Variants in ABLIM1 observed in about 807,000 individuals in gnomAD.
ABLIM1 encodes the protein actin-binding LIM protein 1.
In ABLIM1, 40 loss-of-function variants were observed where a neutral mutation model predicts 107.0. The ratio of observed to expected loss-of-function variants is 0.37; its 90% confidence interval spans 0.29 to 0.49. ABLIM1 has a LOEUF of 0.49. Among genes scored for constraint, ABLIM1 ranks in the 20% least tolerant of loss-of-function variants. The probability of loss-of-function intolerance (pLI) is 0.97; values close to 1 mark genes in which losing one functional copy is unlikely to be tolerated. For synonymous variants in ABLIM1, 357 were observed against 357.3 expected (o/e 1.00, Z 0.01); for missense variants, 857 against 1,008.5 (o/e 0.85, Z 2.04).
chr10:114,749,850 C>T (rs762760741), intron 1 of ABLIM1, among the ~76,000 whole-genome samples: 6 of 152,124 alleles, frequency 3.9e-5, no homozygotes, highest in African/African-American at 7.2e-5. Flanking sequence ...GCTTTCTCCG[C>T]TCCTTCTCTT....
At chr10:114,575,884 C>T (rs113900198) in intron 2 of ABLIM1, among the ~76,000 whole-genome samples, 2,474 of 152,288 alleles carry the variant, frequency 0.016, 59 homozygotes, top group African/African-American at 0.057. Context: ...ACCCTTCATT[C>T]AGGCTGTCTC....
the ABLIM1 span, among the ~76,000 whole-genome samples, chr10:114,773,590 T>A: frequency 6.6e-6 from 1 of 152,064 alleles, no homozygotes; most frequent in African/African-American, 2.4e-5. Flanking sequence ...GACATGGTGG[T>A]GCATGCCTGT....
chr10:114,747,409 G>T (rs808317), intron 1 of ABLIM1, among the ~76,000 whole-genome samples: 8,650 of 152,198 alleles, frequency 0.057, 320 homozygotes, highest in Middle Eastern at 0.095. Flanking sequence ...CTGTCTCTCC[G>T]CTCTGCTCTA....
chr10:114,606,888 T>C (rs1278375503), intron 1 of ABLIM1, among the ~76,000 whole-genome samples: 2 of 152,200 alleles, frequency 1.3e-5, no homozygotes, highest in Admixed American at 1.3e-4. Flanking sequence ...CAGACCTCTT[T>C]ATACCAGAAT....
intron 6 of ABLIM1, among the ~76,000 whole-genome samples, chr10:114,539,160 C>T (rs1386845062): frequency 1.3e-5 from 2 of 152,182 alleles, no homozygotes; most frequent in Non-Finnish European, 2.9e-5. Context: ...GAGTTCAGGA[C>T]CAGCCTGGCC....
chr10:114,606,756 G>A (rs57861912), intron 1 of ABLIM1, among the ~76,000 whole-genome samples: 3,949 of 152,222 alleles, frequency 0.026, 192 homozygotes, highest in African/African-American at 0.09. Flanking sequence ...GGAAGAGCAG[G>A]TACTGTCAAC....
chr10:114,747,610 T>A (rs527799589), intron 1 of ABLIM1, among the ~76,000 whole-genome samples: 2 of 152,304 alleles, frequency 1.3e-5, no homozygotes, highest in Non-Finnish European at 2.9e-5. Flanking sequence ...ATACACAGAA[T>A]AGACTAGAAA....
chr10:114,582,197 C>T (rs2073469106), intron 2 of ABLIM1, among the ~76,000 whole-genome samples: 1 of 151,904 alleles, frequency 6.6e-6, no homozygotes, highest in Admixed American at 6.6e-5. Flanking sequence ...ATACAAAAAC[C>T]AGTATAATTT....
intron 6 of ABLIM1, among the ~76,000 whole-genome samples, chr10:114,493,867 C>T (rs1238994468): frequency 6.6e-6 from 1 of 152,116 alleles, no homozygotes; most frequent in Admixed American, 6.5e-5. Context: ...GTCTAAATAC[C>T]CACAGGAATT....
chr10:114,522,883 G>T (rs945884330), intron 6 of ABLIM1, among the ~76,000 whole-genome samples: 1 of 152,240 alleles, frequency 6.6e-6, no homozygotes, highest in African/African-American at 2.4e-5. Context: ...AGGTGCGGTG[G>T]CTCACGCCTG....
At chr10:114,528,418 G>T (rs1480230986) in intron 6 of ABLIM1, among the ~76,000 whole-genome samples, 3 of 152,242 alleles carry the variant, frequency 2.0e-5, no homozygotes, top group Non-Finnish European at 4.4e-5. Flanking sequence ...AAGCAGTGCT[G>T]AGAAAATGTA....
the ABLIM1 span, among the ~76,000 whole-genome samples, chr10:114,796,514 T>C: frequency 1.3e-5 from 2 of 152,266 alleles, no homozygotes; most frequent in East Asian, 3.9e-4. Context: ...TTAAACCTAA[T>C]CTCAGACATA....
intron 1 of ABLIM1, among the ~76,000 whole-genome samples, chr10:114,663,277 C>T (rs950948382): frequency 6.6e-6 from 1 of 152,168 alleles, no homozygotes; most frequent in African/African-American, 2.4e-5. Context: ...ATCTTGTCCC[C>T]AGATAGCAGC....
intron 2 of ABLIM1, among the ~76,000 whole-genome samples, chr10:114,593,839 T>A (rs936836844): frequency 4.6e-5 from 7 of 152,188 alleles, no homozygotes; most frequent in African/African-American, 1.7e-4. Context: ...CTGTTCCAGT[T>A]TGGAATTCAA....
At chr10:114,769,422 G>GGAAAGAAAGAAA (rs201904899), upstream of ABLIM1, among the ~76,000 whole-genome samples, 536 of 51,826 alleles carry the variant, frequency 0.01, 4 homozygotes, top group East Asian at 0.021. Flanking sequence ...AAGAAAAGAA[G>GGAAAGAAAGAAA]GAAAGAAAGA....
chr10:114,761,788 C>T (rs550106684), intron 1 of ABLIM1, among the ~76,000 whole-genome samples: 2 of 152,280 alleles, frequency 1.3e-5, no homozygotes, highest in South Asian at 2.1e-4. Context: ...ACTCACCATG[C>T]CACTTCTTTT....
At chr10:114,635,371 C>T (rs1480882268) in intron 1 of ABLIM1, among the ~76,000 whole-genome samples, 1 of 152,236 alleles carries the variant, frequency 6.6e-6, no homozygotes, top group African/African-American at 2.4e-5. Flanking sequence ...AAACAAGCAA[C>T]CCGGCAGAGT....
chr10:114,495,405 G>A (rs184447306), intron 6 of ABLIM1, among the ~76,000 whole-genome samples: 43 of 152,176 alleles, frequency 2.8e-4, no homozygotes, highest in African/African-American at 9.2e-4. Flanking sequence ...TGGTGATGGT[G>A]ATGATGATAA....
intron 4 of ABLIM1, among the ~76,000 whole-genome samples, chr10:114,557,026 C>T (rs2068825711): frequency 6.6e-6 from 1 of 152,190 alleles, no homozygotes; most frequent in Admixed American, 6.5e-5. Flanking sequence ...AAAAGCAATA[C>T]AAGGTCAGAA....
Sources: allele counts gnomAD v4.1 joint callset (sites outside exome capture counted in the v4.1 genomes callset), GRCh38; gene constraint gnomAD v4.1.1; transcripts MANE v1.5; gene names NCBI Gene and HGNC (gene_info 2026-07-23, HGNC 2026-07-21).